TRAF5: variants seen among roughly 807,000 people sequenced by gnomAD.
The protein encoded by TRAF5 is TNF receptor associated factor 5.
In TRAF5, 48 loss-of-function variants were observed where a neutral mutation model predicts 64.5. That is an observed-to-expected ratio of 0.74 (90% confidence interval 0.59 to 0.95). The LOEUF is 0.95. TRAF5 is among the 40% of genes least tolerant of loss of function. The pLI, the probability that TRAF5 is intolerant of heterozygous loss-of-function variation, is 0.00. For missense variants in TRAF5, 545 were observed against 662.8 expected (o/e 0.82, Z 1.95); for synonymous variants, 206 against 240.5 (o/e 0.86, Z 1.33).
chr1:211,354,489 T>C (rs1169529673), intron 3 of TRAF5, 22 bp downstream of exon 3: 3 of 1,611,882 alleles, frequency 1.9e-6, no homozygotes, highest in Non-Finnish European at 2.5e-6. Flanking sequence ...ACTGCTTTTG[T>C]CTAGCAGCTC....
chr1:211,333,213 G>T (rs1228705278), intron 1 of TRAF5, among the ~76,000 whole-genome samples: 2 of 152,278 alleles, frequency 1.3e-5, no homozygotes, highest in East Asian at 3.9e-4. Flanking sequence ...TTTTGAGACG[G>T]AGTCTTGCTC....
intron 7 of TRAF5, among the ~76,000 whole-genome samples, chr1:211,362,867 C>CA (rs869200427): frequency 6.7e-6 from 1 of 149,576 alleles, no homozygotes; most frequent in Admixed American, 6.6e-5. Context: ...TATGATCAGA[C>CA]AAAAAAAAGG....
At chr1:211,347,336 G>A (rs1176763763) in intron 1 of TRAF5, among the ~76,000 whole-genome samples, 1 of 152,148 alleles carries the variant, frequency 6.6e-6, no homozygotes, top group Non-Finnish European at 1.5e-5. Flanking sequence ...GAACAAAGTG[G>A]GTCCAGGCTT....
chr1:211,354,403 T>C lies in TRAF5; in HGVS notation c.219-7T>C. On this transcript the variant is annotated splice_region_variant and splice_polypyrimidine_tract_variant and intron_variant, in intron 2 of 10. Transcript: ENST00000261464. ...AACTCTGGCTCCATTTTAATTTTTT[T>C]CTCCAGAGAATTAAACACAGTGCCA... The C allele has an allele frequency of 6.2e-7, 1 of 1,613,892 alleles. No individual in the cohort carries two copies. The highest frequency in any genetic ancestry group is 8.5e-7 in the Non-Finnish European group (1 of 1,179,894).
intron 2 of TRAF5, 76 bp from the exon 3 acceptor site, chr1:211,354,334 G>C: frequency 7.0e-7 from 1 of 1,419,902 alleles, no homozygotes; most frequent in Non-Finnish European, 9.9e-7. Flanking sequence ...AGCATGGCTG[G>C]AGCCCTGGGG....
intron 3 of TRAF5, 108 bp from the exon 4 acceptor site, chr1:211,356,259 G>A (rs1702962204): frequency 1.3e-6 from 1 of 786,046 alleles, no homozygotes; most frequent in Admixed American, 2.4e-5. Flanking sequence ...ATGTCTGGAA[G>A]TTTCCACCTG....
At chr1:211,345,425 A>G (rs1409072796) in intron 1 of TRAF5, among the ~76,000 whole-genome samples, 1 of 151,766 alleles carries the variant, frequency 6.6e-6, no homozygotes, top group East Asian at 1.9e-4. Context: ...GCAGAATCAC[A>G]GGATTCAACG....
At chr1:211,370,768 T>C (rs1703495996) in intron 9 of TRAF5, among the ~76,000 whole-genome samples, 2 of 152,196 alleles carry the variant, frequency 1.3e-5, no homozygotes, top group African/African-American at 4.8e-5. Context: ...ATACCTTATA[T>C]TGTACACACA....
In TRAF5 at chr1:211,369,580, C is replaced by G; in HGVS notation, c.918C>G (p.Leu306=). The change falls in exon 9 of 11, where the codon CTC becomes CTG. Residue 306 remains leucine, a synonymous_variant. Coordinates refer to ENST00000261464, the MANE Select transcript of TRAF5 (RefSeq NM_001033910.3). The part of the protein sequence containing the change: ...AQLFGKNGSF[L]PNIQVFASHI... ...TGTTTGGCAAAAATGGAAGCTTCCTCCCAAACATCCAGGTAAGAAATGGCC... is the reference window on the plus strand; with the variant it reads ...TGTTTGGCAAAAATGGAAGCTTCCTGCCAAACATCCAGGTAAGAAATGGCC... The G allele has an allele frequency of 1.3e-6, 2 of 1,589,472 alleles. No individual in the cohort carries two copies. The highest frequency in any genetic ancestry group is 1.7e-6 in the Non-Finnish European group (2 of 1,171,296).
intron 1 of TRAF5, among the ~76,000 whole-genome samples, chr1:211,332,340 G>A (rs1169327751): frequency 6.6e-6 from 1 of 152,238 alleles, no homozygotes; most frequent in Non-Finnish European, 1.5e-5. Flanking sequence ...GGCACAGCAG[G>A]ATAAGGTTGA....
rs141390461 is a variant in TRAF5 at position 211,344,747 on chromosome 1, G to A, written c.-1-8492G>A. 3.4e-3 allele frequency among the ~76,000 whole-genome samples: 519 copies of A among 152,166 alleles called. 5 individuals carry two copies. The highest frequency in any genetic ancestry group is 0.012 in the African/African-American group (489 of 41,498). ...CAGATAAAGTGCTTTCTCCTCCTTC[G>A]TTTTCCTTTCCTTTTTTAAGTTAAG... On this transcript the variant is annotated intron_variant, in intron 1 of 10. Transcript: ENST00000261464.
At chr1:211,371,243 A>T in intron 9 of TRAF5, 59 bp from the exon 10 acceptor site, 1 of 1,475,334 alleles carries the variant, frequency 6.8e-7, no homozygotes, top group Non-Finnish European at 9.0e-7. Flanking sequence ...TTTAATCTCA[A>T]TGAATTGCTA....
At chr1:211,362,138 C>A (rs1383976355) in intron 7 of TRAF5, among the ~76,000 whole-genome samples, 1 of 151,932 alleles carries the variant, frequency 6.6e-6, no homozygotes, top group Non-Finnish European at 1.5e-5. Flanking sequence ...GACTTAAAAT[C>A]GTGTTTTAAT....
chr1:211,363,245 C>T (rs1320188192), intron 7 of TRAF5, among the ~76,000 whole-genome samples: 2 of 152,094 alleles, frequency 1.3e-5, no homozygotes, highest in Non-Finnish European at 2.9e-5. Context: ...TACACAAAGA[C>T]ACACAAAGAT....
At chr1:211,329,154 T>C (rs1384266946) in intron 1 of TRAF5, among the ~76,000 whole-genome samples, 1 of 152,216 alleles carries the variant, frequency 6.6e-6, no homozygotes, top group Non-Finnish European at 1.5e-5. Flanking sequence ...TCCACTCTGT[T>C]AGCTCTGCCT....
chr1:211,336,214 G>C (rs999486148), intron 1 of TRAF5, among the ~76,000 whole-genome samples: 1 of 152,144 alleles, frequency 6.6e-6, no homozygotes, highest in African/African-American at 2.4e-5. Context: ...CCTAAATGAG[G>C]GCCCCATAAA....
intron 1 of TRAF5, among the ~76,000 whole-genome samples, chr1:211,333,668 T>G (rs1702219319): frequency 6.6e-6 from 1 of 152,004 alleles, no homozygotes; most frequent in South Asian, 2.1e-4. Flanking sequence ...TGGCTAATTT[T>G]TGTATTTTTA....
At chr1:211,370,505 A>G (rs758834453) in intron 9 of TRAF5, among the ~76,000 whole-genome samples, 1 of 152,134 alleles carries the variant, frequency 6.6e-6, no homozygotes, top group Admixed American at 6.6e-5. Flanking sequence ...ATGCTCCTTG[A>G]CTTACAATGG....
intron 2 of TRAF5, among the ~76,000 whole-genome samples, chr1:211,353,881 A>T (rs535888234): frequency 1.3e-5 from 2 of 152,230 alleles, no homozygotes; most frequent in African/African-American, 4.8e-5. Flanking sequence ...GACCTGGGTC[A>T]TACTGTGTTG....
Sources: gnomAD v4.1 joint callset for allele counts (sites outside exome capture counted in the v4.1 genomes callset) on GRCh38, gnomAD v4.1.1 for gene constraint, MANE v1.5 for transcripts, NCBI Gene and HGNC (gene_info 2026-07-23, HGNC 2026-07-21) for gene names.